The following DYNC2H1 variants were observed in gnomAD, a reference collection of about 807,000 sequenced individuals.
DYNC2H1 encodes the protein cytoplasmic dynein 2 heavy chain 1.
In DYNC2H1, 410 loss-of-function variants were observed where a neutral mutation model predicts 570.0. The observed-to-expected ratio is 0.72, with a 90% CI of 0.66 to 0.78. DYNC2H1 has a LOEUF of 0.78. Among genes scored for constraint, DYNC2H1 ranks in the 30% least tolerant of loss-of-function variants. DYNC2H1 has a pLI of 0.00. For synonymous variants in DYNC2H1, 1,688 were observed against 1,677.6 expected, an observed-to-expected ratio of 1.01 and a Z score of -0.15; for missense variants, 4,865 against 5,046.4, an observed-to-expected ratio of 0.96 and a Z score of 1.09.
intron 82 of DYNC2H1, among the ~76,000 whole-genome samples, chr11:103,340,750 A>G (rs1307305896): frequency 2.0e-5 from 3 of 152,110 alleles, no homozygotes; most frequent in African/African-American, 7.2e-5. Flanking sequence ...CACCTTTCGT[A>G]ACTATTGTCT....
Position 103,211,907 on chromosome 11 carries a change from GA to G in DYNC2H1, c.8663del (p.Lys2888ArgfsTer4). 6.5e-7 allele frequency: 1 copy of G among 1,534,334 alleles called. No homozygotes were observed. Among genetic ancestry groups the G allele is most frequent in the South Asian group, 1.3e-5 (1 of 78,552 alleles). The part of the protein sequence containing the change: ...HVYSAISSSK[K>X]KELLKRQSHL... The stretch of plus-strand genomic sequence containing the variant: ...TGTATTCTGCCATTAGTAGTAGCAA[GA>G]AAAAGGAATTATTAAAAAGACAAAG... On this transcript the variant is annotated frameshift_variant, in exon 54 of 89. Coordinates refer to ENST00000375735, the MANE Select transcript of DYNC2H1 (RefSeq NM_001377.3). LOFTEE classifies it high-confidence loss of function.
At chr11:103,377,154 C>T (rs1007190870) in intron 83 of DYNC2H1, among the ~76,000 whole-genome samples, 1 of 152,186 alleles carries the variant, frequency 6.6e-6, no homozygotes, top group Non-Finnish European at 1.5e-5. Context: ...TCATATCTCT[C>T]CCAAGACTTG....
At chr11:103,413,656 G>A (rs1388227278) in intron 84 of DYNC2H1, among the ~76,000 whole-genome samples, 1 of 152,120 alleles carries the variant, frequency 6.6e-6, no homozygotes, top group Non-Finnish European at 1.5e-5. Context: ...GAACTGAACT[G>A]CATATACTCA....
At chr11:103,352,593 CAA>C (rs1331516010) in intron 82 of DYNC2H1, among the ~76,000 whole-genome samples, 1 of 152,112 alleles carries the variant, frequency 6.6e-6, no homozygotes, top group Non-Finnish European at 1.5e-5. Flanking sequence ...TGTGTGATAT[CAA>C]CTCTTAAATT....
chr11:103,258,906 A>G (rs2135270731), intron 69 of DYNC2H1, among the ~76,000 whole-genome samples: 1 of 152,286 alleles, frequency 6.6e-6, no homozygotes, highest in South Asian at 2.1e-4. Context: ...TTCATATGTG[A>G]TCTTTGTTAA....
intron 84 of DYNC2H1, among the ~76,000 whole-genome samples, chr11:103,421,770 TAAC>T (rs1321600661): frequency 2.6e-5 from 4 of 151,914 alleles, no homozygotes; most frequent in Non-Finnish European, 5.9e-5. Flanking sequence ...GATCTCAAGT[TAAC>T]AACCTAACAT....
intron 83 of DYNC2H1, among the ~76,000 whole-genome samples, chr11:103,380,447 AC>A (rs901552651): frequency 7.9e-5 from 12 of 152,174 alleles, no homozygotes; most frequent in African/African-American, 2.7e-4. Flanking sequence ...CAATACACAC[AC>A]AAAAAAAGAG....
rs12790372 is a variant in DYNC2H1, at chr11:103,249,910, C to T, written c.10043-3375C>T. On this transcript the variant is annotated intron_variant, in intron 65 of 88. Coordinates refer to ENST00000375735, the MANE Select transcript of DYNC2H1 (RefSeq NM_001377.3). This position sits in a 1 kb window ranked among gnomAD's most constrained non-coding sequence, Gnocchi z 4.6. ...ATTGTTTGCTCTTTCTGATCACACCCAATTCCCAGGAAAAGTACATTTTTC... is the reference window on the plus strand; with the variant it reads ...ATTGTTTGCTCTTTCTGATCACACCTAATTCCCAGGAAAAGTACATTTTTC... 0.11 allele frequency among the ~76,000 whole-genome samples: 16,352 copies of T among 152,050 alleles called. 1,028 individuals carry two copies. Among genetic ancestry groups the T allele is most frequent in the East Asian group, 0.21 (1,106 of 5,170 alleles).
intron 17 of DYNC2H1, among the ~76,000 whole-genome samples, chr11:103,142,920 T>A (rs1287301029): frequency 6.6e-6 from 1 of 152,222 alleles, no homozygotes; most frequent in Non-Finnish European, 1.5e-5. Context: ...TGTCTTAGAT[T>A]TCTAGGATGA....
rs758275594 is a variant in DYNC2H1 at position 103,147,849 on chromosome 11, T to C, written c.2780T>C (p.Phe927Ser). 2.5e-5 allele frequency: 41 copies of C among 1,611,626 alleles called. No homozygotes were observed. The highest frequency in any genetic ancestry group is 3.3e-5 in the Non-Finnish European group (39 of 1,179,110). Reference sequence around the variant, plus strand: ...ATTGATGATCTCATCCAGAAGTTATTTGATCTGCTTGTTCTTTCTTTGAAG... The same window carrying C: ...ATTGATGATCTCATCCAGAAGTTATCTGATCTGCTTGTTCTTTCTTTGAAG... ...TVIDDLIQKL[F>S]DLLVLSLKKS... Residue 927 changes from phenylalanine to serine, a missense_variant, in exon 19 of 89, where the codon TTT becomes TCT. By Grantham distance (155) the Phe-to-Ser change is radical. Around this residue, in one of 5 missense-constraint regions of DYNC2H1, gnomAD observed 1,936 missense variants for 1,962.1 expected, o/e 0.99. Coordinates refer to ENST00000375735, the MANE Select transcript of DYNC2H1 (RefSeq NM_001377.3).
In DYNC2H1 at chr11:103,439,342, T is replaced by A. The variant is rs948538768; in HGVS notation, c.12456+3310T>A. 1.1e-4 allele frequency among the ~76,000 whole-genome samples: 16 copies of A among 152,042 alleles called. No homozygotes were observed. The highest frequency in any genetic ancestry group is 3.9e-4 in the African/African-American group (16 of 41,402). The stretch of plus-strand genomic sequence containing the variant: ...TGTGTTATACCAAAGTTATTGAAAT[T>A]TTGTAAAAAAAATTAATAAAAAGTA... On this transcript the variant is annotated intron_variant, in intron 85 of 88. Coordinates refer to ENST00000375735, the MANE Select transcript of DYNC2H1 (RefSeq NM_001377.3). This position sits in a 1 kb window ranked among gnomAD's most constrained non-coding sequence, Gnocchi z 4.1.
chr11:103,253,124 T>C (rs547513665), intron 65 of DYNC2H1, among the ~76,000 whole-genome samples, 161 bp from the exon 66 acceptor site: 2 of 152,320 alleles, frequency 1.3e-5, no homozygotes, highest in South Asian at 2.1e-4. Context: ...TGCTGATAAA[T>C]AGAACATTCT....
At chr11:103,215,617 A>T in intron 54 of DYNC2H1, 104 bp from the exon 55 acceptor site, 1 of 1,173,776 alleles carries the variant, frequency 8.5e-7, no homozygotes, top group Non-Finnish European at 1.1e-6. Context: ...TTTTGTATAT[A>T]CACACTTAAC....
intron 84 of DYNC2H1, among the ~76,000 whole-genome samples, chr11:103,430,510 G>GACTTCCTAATGTTGT (rs1268111039): frequency 6.6e-6 from 1 of 151,564 alleles, no homozygotes; most frequent in Non-Finnish European, 1.5e-5. Flanking sequence ...TTGCAGTTTC[G>GACTTCCTAATGTTGT]TCTTCCTAAT....
intron 85 of DYNC2H1, among the ~76,000 whole-genome samples, chr11:103,450,532 A>G (rs11225805): frequency 0.021 from 3,259 of 152,324 alleles, 47 homozygotes; most frequent in East Asian, 0.051. Context: ...GGTAACAAAG[A>G]TTTATTGAAA....
chr11:103,399,724 T>G lies in DYNC2H1; in HGVS notation c.12218T>G (p.Leu4073Arg). The G allele has an allele frequency of 6.2e-7, 1 of 1,613,908 alleles. No individual in the cohort carries two copies. Among genetic ancestry groups the G allele is most frequent in the South Asian group, 1.1e-5 (1 of 91,076 alleles). The part of the protein sequence containing the change: ...PPNDRQGSPI[L>R]SFIILEQFNA... ...AACGATCGACAAGGATCTCCAATAC[T>G]GTCATTCATCATTCTTGAACAATTT... Residue 4073 changes from leucine to arginine, a missense_variant, in exon 84 of 89, where the codon CTG (leucine) becomes CGG (arginine). Leu to Arg is a moderately radical substitution (Grantham distance 102). This residue lies in a region of DYNC2H1 where 2,401 missense variants were observed against 2,454.6 expected (regional missense o/e 0.98). Transcript: ENST00000375735.
At chr11:103,471,103 C>T (rs570470136) in intron 88 of DYNC2H1, among the ~76,000 whole-genome samples, 1 of 152,104 alleles carries the variant, frequency 6.6e-6, no homozygotes, top group African/African-American at 2.4e-5. Context: ...TTAATGATCG[C>T]CATTCTAACT....
intron 82 of DYNC2H1, among the ~76,000 whole-genome samples, chr11:103,341,599 C>A (rs777087010): frequency 1.3e-5 from 2 of 152,138 alleles, no homozygotes; most frequent in Non-Finnish European, 2.9e-5. Context: ...AATTCTTAGG[C>A]ACCCTTAATT....
At chr11:103,346,256 A>G (rs375634945) in intron 82 of DYNC2H1, among the ~76,000 whole-genome samples, 5 of 152,218 alleles carry the variant, frequency 3.3e-5, no homozygotes, top group African/African-American at 1.2e-4. Flanking sequence ...ATCAGTTATT[A>G]GAAAAGTCAC....
Sources: gnomAD v4.1 joint callset for allele counts (sites outside exome capture counted in the v4.1 genomes callset) on GRCh38, gnomAD v4.1.1 for gene constraint, gnomAD v4.1.1 regional missense constraint, Gnocchi (gnomAD v3.1) non-coding constraint, MANE v1.5 for transcripts, NCBI Gene and HGNC (gene_info 2026-07-23, HGNC 2026-07-21) for gene names.